C6orf163: variants seen among roughly 807,000 people sequenced by gnomAD.
The protein encoded by C6orf163 is uncharacterized protein C6orf163.
C6orf163 carries 22 observed loss-of-function variants against 28.4 expected under a neutral mutation model. The ratio of observed to expected loss-of-function variants is 0.78; its 90% CI spans 0.55 to 1.11. The LOEUF is 1.11. Among genes scored for constraint, C6orf163 ranks in the 50% least tolerant of loss-of-function variants. The probability of loss-of-function intolerance (pLI) is 0.00; values close to 1 mark genes in which losing one functional copy is unlikely to be tolerated. For synonymous variants in C6orf163, 110 were observed against 123.6 expected (o/e 0.89, Z 0.73); for missense variants, 342 against 389.1 (o/e 0.88, Z 1.02).
intron 4 of C6orf163, chr6:87,357,206 G>A (rs1355722579): frequency 6.6e-6 from 1 of 152,080 alleles, no homozygotes; most frequent in African/African-American, 2.4e-5. Flanking sequence ...AGAAAACCAC[G>A]GTAACTATTT....
intron 4 of C6orf163, chr6:87,358,189 A>C (rs1427580155): frequency 6.6e-6 from 1 of 152,138 alleles, no homozygotes; most frequent in Non-Finnish European, 1.5e-5. Flanking sequence ...ATCAAGACTT[A>C]AGGATTCAGA....
chr6:87,346,048 A>G (rs1777318406), intron 1 of C6orf163, among the ~76,000 whole-genome samples: 1 of 121,390 alleles, frequency 8.2e-6, no homozygotes, highest in Non-Finnish European at 1.9e-5. Context: ...TTTACTGTAC[A>G]TACGTATGTA....
intron 1 of C6orf163, 81 bp from the exon 2 acceptor site, chr6:87,348,731 A>G: frequency 1.3e-6 from 2 of 1,503,996 alleles, no homozygotes; most frequent in Non-Finnish European, 1.8e-6. Flanking sequence ...AATAGCCCTC[A>G]TAAATAACTA....
At chr6:87,362,760 C>T (rs937273554) in intron 4 of C6orf163, among the ~76,000 whole-genome samples, 1 of 152,040 alleles carries the variant, frequency 6.6e-6, no homozygotes, top group South Asian at 2.1e-4. Flanking sequence ...AGAATTGCAT[C>T]TTGGAGGATG....
intron 4 of C6orf163, among the ~76,000 whole-genome samples, chr6:87,362,740 A>G (rs1380704959): frequency 6.6e-6 from 1 of 152,176 alleles, no homozygotes; most frequent in Non-Finnish European, 1.5e-5. Flanking sequence ...AAAGACTCAG[A>G]GAAGATGAGA....
chr6:87,352,196 T>C (rs1222437030), intron 3 of C6orf163, among the ~76,000 whole-genome samples: 1 of 152,210 alleles, frequency 6.6e-6, no homozygotes, highest in Non-Finnish European at 1.5e-5. Flanking sequence ...CTAAGAGTAG[T>C]GTGGGGTTAT....
intron 1 of C6orf163, chr6:87,347,215 A>G (rs1404465300): frequency 6.1e-6 from 1 of 162,698 alleles, no homozygotes; most frequent in African/African-American, 2.4e-5. Flanking sequence ...AAAGAATCAT[A>G]GATTATGTAA....
At chr6:87,345,630 C>T (rs1188819) in intron 1 of C6orf163, among the ~76,000 whole-genome samples, 89,492 of 151,796 alleles carry the variant, frequency 0.59, 26,717 homozygotes, top group African/African-American at 0.63. Flanking sequence ...CTCTAAATAA[C>T]ACCCTAATTG....
At chr6:87,350,334 C>A in intron 2 of C6orf163, 60 bp from the exon 3 acceptor site, 4 of 1,076,060 alleles carry the variant, frequency 3.7e-6, no homozygotes, top group Non-Finnish European at 5.3e-6. Flanking sequence ...CCTAAATAAG[C>A]CAAGTTTGCT....
In C6orf163 at chr6:87,350,403, C is replaced by T. The variant is rs1166359970; in HGVS notation, c.253C>T (p.Arg85Cys). ...ACTCTTTCTTTCAAAGGCTAATGAA[C>T]GTCAAAAACAAGCAGTGGAGAAAGC... ...EAEVWAQANE[R>C]QKQAVEKALE... is the part of the protein sequence containing the mutation. The change falls in exon 3 of 5, where the codon CGT becomes TGT. Residue 85 changes from arginine to cysteine, a missense_variant. Arg to Cys is a radical substitution (Grantham distance 180). Coordinates refer to ENST00000388923, the MANE Select transcript of C6orf163 (RefSeq NM_001010868.3). The T allele has an allele frequency of 5.9e-6, 9 of 1,528,226 alleles. No homozygotes were observed. Among genetic ancestry groups the T allele is most frequent in the Admixed American group, 2.0e-5 (1 of 50,248 alleles). The allele number at this position is 1,528,226 out of a possible 1,614,324, so 94.7% of individuals were successfully genotyped here.
At position 87,356,366 on chromosome 6, in the gene C6orf163, C is replaced by G. The variant is rs1364987082; in HGVS notation, c.417C>G (p.His139Gln). 3 of 1,551,544 alleles carry G rather than the reference C, an allele frequency of 1.9e-6. No individual in the cohort carries two copies. The highest frequency in any genetic ancestry group is 1.4e-5 in the African/African-American group (1 of 73,024). ...TGGATGACGAAATGAAGAGAGAGCA[C>G]TTGGCTGCAGAACAGCGCATGGTCC... ...QNMDDEMKRE[H>Q]LAAEQRMVHR... The change falls in exon 4 of 5, where the codon CAC becomes CAG. Residue 139 changes from histidine (H) to glutamine (Q), a missense_variant. By Grantham distance (24) the His-to-Gln change is conservative. Transcript: ENST00000388923.
At chr6:87,364,813 A>G in intron 4 of C6orf163, 148 bp from the exon 5 acceptor site, 1 of 628,740 alleles carries the variant, frequency 1.6e-6, no homozygotes, top group Non-Finnish European at 2.7e-6. Flanking sequence ...GATAACAGCT[A>G]ATGCAATCCA....
chr6:87,360,588 A>T (rs1196801705), intron 4 of C6orf163, among the ~76,000 whole-genome samples: 1 of 151,758 alleles, frequency 6.6e-6, no homozygotes, highest in African/African-American at 2.4e-5. Flanking sequence ...TTTAGTAGAG[A>T]TGGGGCTTCT....
intron 4 of C6orf163, among the ~76,000 whole-genome samples, chr6:87,361,450 A>G (rs1777579884): frequency 1.3e-5 from 2 of 152,128 alleles, no homozygotes; most frequent in South Asian, 2.1e-4. Flanking sequence ...TGCCTGACTC[A>G]ATTCTGGTAG....
chr6:87,348,857 A>G lies in C6orf163; in HGVS notation c.194A>G (p.Asp65Gly). ...ILKKEEQFQEDILREHIAKAE... is the reference protein window; with the variant it reads ...ILKKEEQFQEGILREHIAKAE... Reference sequence around the variant, plus strand: ...AAAAAAGAAGAGCAGTTTCAAGAAGATATACTCAGAGAACACATTGCGAAA... The same window carrying G: ...AAAAAAGAAGAGCAGTTTCAAGAAGGTATACTCAGAGAACACATTGCGAAA... Residue 65 changes from aspartate (D) to glycine (G), a missense_variant, in exon 2 of 5, where the codon GAT becomes GGT. By Grantham distance (94) the Asp-to-Gly change is moderately conservative. Coordinates refer to ENST00000388923, the MANE Select transcript of C6orf163 (RefSeq NM_001010868.3). The G allele has an allele frequency of 3.3e-6, 5 of 1,537,656 alleles. No individual in the cohort carries two copies. The South Asian group carries it at 3.6e-5, about 11-fold the overall frequency.
At chr6:87,346,495 G>A (rs936702295) in intron 1 of C6orf163, among the ~76,000 whole-genome samples, 39 of 152,122 alleles carry the variant, frequency 2.6e-4, no homozygotes, top group Admixed American at 9.2e-4. Flanking sequence ...ACCTTAAGTG[G>A]ATAAGTTAAA....
chr6:87,363,781 A>G (rs1245280680), intron 4 of C6orf163, among the ~76,000 whole-genome samples: 1 of 152,062 alleles, frequency 6.6e-6, no homozygotes, highest in African/African-American at 2.4e-5. Context: ...AGTCTTTGCT[A>G]TTGTGAATAG....
chr6:87,355,798 G>A (rs959497631), intron 3 of C6orf163, among the ~76,000 whole-genome samples: 2 of 152,130 alleles, frequency 1.3e-5, no homozygotes, highest in African/African-American at 4.8e-5. Context: ...TTTCCAAAAT[G>A]GTGACAGGGT....
chr6:87,362,845 T>A (rs1777599893), intron 4 of C6orf163, among the ~76,000 whole-genome samples: 1 of 152,120 alleles, frequency 6.6e-6, no homozygotes, highest in Non-Finnish European at 1.5e-5. Context: ...GGAGGATTTT[T>A]ATTAACAGCC....
Sources: gnomAD v4.1 joint callset for allele counts (sites outside exome capture counted in the v4.1 genomes callset) on GRCh38, gnomAD v4.1.1 for gene constraint, MANE v1.5 for transcripts, NCBI Gene and HGNC (gene_info 2026-07-23, HGNC 2026-07-21) for gene names.